Variants in SDCBP observed in about 807,000 individuals in gnomAD.
SDCBP encodes syndecan binding protein.
In SDCBP, 22 loss-of-function variants were observed where a neutral mutation model predicts 30.5. The observed-to-expected ratio is 0.72, with a 90% confidence interval of 0.52 to 1.03. The LOEUF is 1.03. SDCBP is among the 50% of genes least tolerant of loss of function. The pLI is 0.00. For synonymous variants in SDCBP, 103 were observed against 118.7 expected (o/e 0.87, Z 0.86); for missense variants, 304 against 369.9 (o/e 0.82, Z 1.46).
Position 58,578,125 on chromosome 8 carries a change from CTG to C in SDCBP, c.498_499del (p.Ala167ArgfsTer5), listed in dbSNP as rs752261694. 3.8e-5 allele frequency: 62 copies of C among 1,613,646 alleles called. No individual in the cohort carries two copies. Among genetic ancestry groups the C allele is most frequent in the Non-Finnish European group, 5.3e-5 (62 of 1,179,862 alleles). On this transcript the variant is annotated frameshift_variant, in exon 6 of 9. Transcript: ENST00000260130. LOFTEE classifies it high-confidence loss of function. ...AAGTACTTCAGATCAATGGTGAAAA[CTG>C]TGCAGGATGGAGCTCTGATAAAGCG... ...DQVLQINGEN[C>X]AGWSSDKAHK...
chr8:58,563,764 C>T (rs1452641083), intron 1 of SDCBP, among the ~76,000 whole-genome samples: 1 of 152,132 alleles, frequency 6.6e-6, no homozygotes, highest in Non-Finnish European at 1.5e-5. Context: ...AACTCTAGGG[C>T]TGTTCCCATA....
At chr8:58,570,713 A>G (rs562471921) in intron 2 of SDCBP, 174 bp from the exon 3 acceptor site, 162 of 541,448 alleles carry the variant, frequency 3.0e-4, no homozygotes, top group African/African-American at 2.2e-3. Context: ...TATAGTTTTG[A>G]TTTGCAGATT....
Position 58,572,952 on chromosome 8 carries a change from G to A in SDCBP, c.240+638G>A, listed in dbSNP as rs57914032. ...CTCCCAAGTAGCTGAGACTACAAGC[G>A]CGCGCCACCATGCCTGGCTAATTTT... is the stretch of plus-strand genomic sequence containing the variant. On this transcript the variant is annotated intron_variant, in intron 4 of 8. Transcript: ENST00000260130. 8.9e-3 allele frequency among the ~76,000 whole-genome samples: 1,349 copies of A among 151,486 alleles called. 16 individuals are homozygous for A. Among genetic ancestry groups the A allele is most frequent in the African/African-American group, 0.031 (1,289 of 41,306 alleles).
At chr8:58,579,947 T>C (rs1439041735) in intron 7 of SDCBP, 153 bp downstream of exon 7, 1 of 603,586 alleles carries the variant, frequency 1.7e-6, no homozygotes, top group African/African-American at 1.9e-5. Context: ...CCGGAATTAT[T>C]TGGGCTGTCA....
In SDCBP at chr8:58,579,851, T is replaced by G. The variant is rs376117179; in HGVS notation, c.750+57T>G. The G allele has an allele frequency of 1.0e-4, 157 of 1,504,206 alleles. 1 individual carries two copies. Among genetic ancestry groups the G allele is most frequent in the East Asian group, 8.5e-4 (36 of 42,168 alleles). 93.2% of individuals were successfully genotyped at this position (1,504,206 alleles called of 1,614,324 possible). A position where few individuals can be genotyped will look rare whatever the true frequency, so the allele number is the denominator to read the frequency against. ...GCAGTTTTAGAAAATGTCTGTCTTTTGACTGTATTTAGGTGGCGCTGTTTT... is the reference window on the plus strand; with the variant it reads ...GCAGTTTTAGAAAATGTCTGTCTTTGGACTGTATTTAGGTGGCGCTGTTTT... On this transcript the variant is annotated intron_variant, in intron 7 of 8. Coordinates refer to ENST00000260130, the MANE Select transcript of SDCBP (RefSeq NM_005625.4).
intron 4 of SDCBP, among the ~76,000 whole-genome samples, chr8:58,574,307 C>T (rs1028301473): frequency 6.6e-6 from 1 of 152,112 alleles, no homozygotes; most frequent in African/African-American, 2.4e-5. Context: ...ACAATTCATA[C>T]ATAAAGGTAA....
chr8:58,580,976 G>T (rs572082499), intron 8 of SDCBP, among the ~76,000 whole-genome samples: 1 of 152,286 alleles, frequency 6.6e-6, no homozygotes, highest in Admixed American at 6.5e-5. Context: ...GAGAATTCTT[G>T]CTGGTGGAAT....
At chr8:58,556,759 C>T (rs1804127192) in intron 1 of SDCBP, among the ~76,000 whole-genome samples, 1 of 150,424 alleles carries the variant, frequency 6.6e-6, no homozygotes, top group Non-Finnish European at 1.5e-5. Context: ...AAGGAGGTTA[C>T]TCTTATATTG....
chr8:58,565,203 A>G (rs1804639782), intron 2 of SDCBP, 119 bp downstream of exon 2: 2 of 451,232 alleles, frequency 4.4e-6, no homozygotes, highest in Non-Finnish European at 7.8e-6. Flanking sequence ...CACTTCATAA[A>G]CCTTTTTTTA....
intron 1 of SDCBP, among the ~76,000 whole-genome samples, chr8:58,554,515 T>C (rs1803991738): frequency 6.6e-6 from 1 of 152,192 alleles, no homozygotes; most frequent in South Asian, 2.1e-4. Context: ...ACTTTTAAAA[T>C]GGTCAGTAAA....
intron 6 of SDCBP, among the ~76,000 whole-genome samples, chr8:58,578,685 T>A (rs1333482215): frequency 6.6e-6 from 1 of 152,206 alleles, no homozygotes; most frequent in Non-Finnish European, 1.5e-5. Flanking sequence ...ATTTAGAACT[T>A]AAACATTTAG....
At chr8:58,567,919 C>A (rs1804789301) in intron 2 of SDCBP, among the ~76,000 whole-genome samples, 2 of 152,156 alleles carry the variant, frequency 1.3e-5, no homozygotes. Flanking sequence ...CTGTATAAGG[C>A]ACTTACCATG....
At chr8:58,568,083 C>T (rs927733820) in intron 2 of SDCBP, among the ~76,000 whole-genome samples, 13 of 152,004 alleles carry the variant, frequency 8.6e-5, no homozygotes, top group Admixed American at 2.0e-4. Context: ...TTTTCTTTCT[C>T]GAATTATAAA....
intron 2 of SDCBP, among the ~76,000 whole-genome samples, chr8:58,566,609 A>T (rs1448329253): frequency 6.6e-6 from 1 of 152,160 alleles, no homozygotes; most frequent in Non-Finnish European, 1.5e-5. Context: ...TGGTTCTTTT[A>T]TTACCCCTGA....
intron 5 of SDCBP, among the ~76,000 whole-genome samples, chr8:58,577,522 A>G (rs990685784): frequency 6.6e-6 from 1 of 152,226 alleles, no homozygotes; most frequent in Non-Finnish European, 1.5e-5. Flanking sequence ...ATTATACACA[A>G]TTTAGCAAAT....
intron 1 of SDCBP, among the ~76,000 whole-genome samples, chr8:58,553,884 C>G (rs1222715041): frequency 6.6e-6 from 1 of 152,128 alleles, no homozygotes; most frequent in African/African-American, 2.4e-5. Context: ...TCGCTTTGAG[C>G]TTTTTCCTGG....
intron 1 of SDCBP, chr8:58,561,830 A>G (rs1260573160): frequency 3.0e-6 from 2 of 664,956 alleles, no homozygotes. Context: ...ATATAAGTCT[A>G]AGACAAAAGT....
chr8:58,564,886 T>A (rs1804620749), intron 1 of SDCBP, 133 bp from the exon 2 acceptor site: 1 of 509,324 alleles, frequency 2.0e-6, no homozygotes, highest in Admixed American at 4.1e-5. Context: ...TTCTTATTTT[T>A]TAATATGTTT....
At position 58,582,787 on chromosome 8, in the gene SDCBP, A is replaced by ATTT. The variant is rs556672357; in HGVS notation, c.*1052_*1054dup. ...AAATGATAGTTGACACTTTATCCTG[A>ATTT]TTTTTTTCTTCTTTTTGGTTTATGT... On this transcript the variant is annotated 3_prime_UTR_variant, in exon 9 of 9. Transcript: ENST00000260130. 6.6e-6 allele frequency: 1 copy of ATTT among 152,500 alleles called. No homozygotes were observed. Among genetic ancestry groups the ATTT allele is most frequent in the African/African-American group, 2.4e-5 (1 of 41,420 alleles). 9.4% of individuals were successfully genotyped at this position (152,500 alleles called of 1,614,324 possible). A position where few individuals can be genotyped will look rare whatever the true frequency, so the allele number is the denominator to read the frequency against.
Sources: gnomAD v4.1 joint callset for allele counts (sites outside exome capture counted in the v4.1 genomes callset) on GRCh38, gnomAD v4.1.1 for gene constraint, MANE v1.5 for transcripts, NCBI Gene and HGNC (gene_info 2026-07-23, HGNC 2026-07-21) for gene names.